PSMC6: variants seen among roughly 807,000 people sequenced by gnomAD.
PSMC6 encodes the protein proteasome 26S subunit, ATPase 6.
In PSMC6, 3 loss-of-function variants were observed where a neutral mutation model predicts 55.9. The observed-to-expected ratio is 0.05, with a 90% CI of 0.02 to 0.14. The LOEUF (loss-of-function observed/expected upper bound fraction) is 0.14, where lower values mean the gene tolerates loss of function less well. Ranked by LOEUF, PSMC6 falls within the 10% of genes least tolerant of loss-of-function variation. The pLI, the probability that PSMC6 is intolerant of heterozygous loss-of-function variation, is 1.00. For missense variants in PSMC6, 210 were observed against 478.7 expected, an observed-to-expected ratio of 0.44 and a Z score of 5.24; for synonymous variants, 137 against 155.9, an observed-to-expected ratio of 0.88 and a Z score of 0.90.
At chr14:52,715,177 G>A (rs929016180) in intron 7 of PSMC6, among the ~76,000 whole-genome samples, 6 of 151,194 alleles carry the variant, frequency 4.0e-5, no homozygotes, top group Admixed American at 6.6e-5. Context: ...TGGTGAAACA[G>A]TAAAAATTAT....
intron 4 of PSMC6, 196 bp downstream of exon 4, chr14:52,709,012 T>C: frequency 6.3e-6 from 4 of 631,316 alleles, no homozygotes; most frequent in Admixed American, 3.7e-5. Flanking sequence ...CCGTACTTTC[T>C]ACTGTATTAC....
chr14:52,725,905 C>T (rs1261920311), intron 13 of PSMC6, among the ~76,000 whole-genome samples: 3 of 152,216 alleles, frequency 2.0e-5, no homozygotes, highest in Non-Finnish European at 4.4e-5. Context: ...TACCTAGTTT[C>T]ACTGTAGCTT....
intron 10 of PSMC6, 52 bp from the exon 11 acceptor site, chr14:52,720,809 A>G (rs1029289920): frequency 1.5e-5 from 21 of 1,443,494 alleles, no homozygotes; most frequent in South Asian, 3.6e-5. Flanking sequence ...GGTGTGTGCT[A>G]TTTTTTTTAA....
Position 52,711,530 on chromosome 14 carries a change from T to C in PSMC6, c.441+6T>C. The C allele has an allele frequency of 6.4e-7, 1 of 1,570,124 alleles. No individual in the cohort carries two copies. ...AGATCCGGGAATTAAGAGAGGTTGG[T>C]ACTGTGTGCCTTGTTCTCTGAACTT... is the stretch of plus-strand genomic sequence containing the variant. On this transcript the variant is annotated splice_donor_region_variant and intron_variant, in intron 6 of 13. Coordinates refer to ENST00000445930, the MANE Select transcript of PSMC6 (RefSeq NM_002806.5).
chr14:52,727,514 G>T lies in PSMC6; in HGVS notation c.1067G>T (p.Arg356Leu). The part of the protein sequence containing the change: ...VCTEAGMFAI[R>L]ADHDFVVQED... ...TTCTCTACAGGTATGTTCGCAATTCGTGCTGATCATGATTTTGTAGTACAG... is the reference window on the plus strand; with the variant it reads ...TTCTCTACAGGTATGTTCGCAATTCTTGCTGATCATGATTTTGTAGTACAG... Residue 356 changes from arginine to leucine, a missense_variant, in exon 14 of 14, where the codon CGT becomes CTT. Physicochemically the swap from Arg to Leu is moderately radical, Grantham distance 102 (BLOSUM62 -2). This residue lies in a region of PSMC6 where 79 missense variants were observed against 158.7 expected (regional missense o/e 0.50). Transcript: ENST00000445930. 6.8e-6 allele frequency: 11 copies of T among 1,611,256 alleles called. No homozygotes were observed. Among genetic ancestry groups the T allele is most frequent in the Non-Finnish European group, 9.3e-6 (11 of 1,179,058 alleles).
intron 7 of PSMC6, among the ~76,000 whole-genome samples, chr14:52,714,301 A>G (rs2041806494): frequency 6.6e-6 from 1 of 152,156 alleles, no homozygotes; most frequent in African/African-American, 2.4e-5. Flanking sequence ...TAGCCTCCCA[A>G]AATGTTGGGA....
At chr14:52,724,096 TTTTGAG>T (rs1880310425) in intron 13 of PSMC6, 60 bp downstream of exon 13, 1 of 1,487,976 alleles carries the variant, frequency 6.7e-7, no homozygotes, top group African/African-American at 1.4e-5. Flanking sequence ...GCTGAAACTG[TTTTGAG>T]TTTATCTGAA....
intron 1 of PSMC6, 100 bp from the exon 2 acceptor site, chr14:52,708,209 A>AT: frequency 1.0e-6 from 1 of 994,780 alleles, no homozygotes. Context: ...AAACTTAGGT[A>AT]AAGTGAAGTA....
intron 13 of PSMC6, 147 bp downstream of exon 13, chr14:52,724,183 G>A: frequency 2.9e-6 from 2 of 693,996 alleles, no homozygotes; most frequent in Non-Finnish European, 4.8e-6. Flanking sequence ...GGAAATAGGA[G>A]AAGCAGGGCA....
At chr14:52,708,435 T>C (rs759487433) in intron 2 of PSMC6, 47 bp downstream of exon 2, 1 of 1,613,372 alleles carries the variant, frequency 6.2e-7, no homozygotes. Flanking sequence ...AATTTGCTTT[T>C]TTATTTAGCT....
chr14:52,716,187 G>C lies in PSMC6; in HGVS notation c.530-1894G>C, dbSNP rs780443701. On this transcript the variant is annotated intron_variant, in intron 7 of 13. Coordinates refer to ENST00000445930, the MANE Select transcript of PSMC6 (RefSeq NM_002806.5). ...GTAAGTAGATAGCTATTATAAAAAA[G>C]ACAAAAGTGTTTGCAAGATGTAGAG... is the stretch of plus-strand genomic sequence containing the variant. 4.6e-5 allele frequency among the ~76,000 whole-genome samples: 7 copies of C among 152,110 alleles called. No homozygotes were observed. The East Asian group carries it at 5.8e-4, about 13-fold the overall frequency.
chr14:52,718,593 C>T (rs1436687556), intron 9 of PSMC6: 2 of 437,066 alleles, frequency 4.6e-6, no homozygotes, highest in Admixed American at 7.5e-5. Flanking sequence ...TCGAGACCAT[C>T]TGGCCAACAT....
intron 10 of PSMC6, among the ~76,000 whole-genome samples, chr14:52,720,205 G>A (rs12888230): frequency 7.7e-6 from 1 of 130,540 alleles, no homozygotes; most frequent in African/African-American, 3.0e-5. Context: ...CTGGGTGACA[G>A]AGCGAGAGTC....
chr14:52,712,214 T>C (rs1256919536), intron 6 of PSMC6, among the ~76,000 whole-genome samples: 7 of 151,332 alleles, frequency 4.6e-5, no homozygotes, highest in African/African-American at 1.5e-4. Context: ...CTTCAGTACA[T>C]TAATTTTTTT....
At chr14:52,715,817 A>G (rs1028507355) in intron 7 of PSMC6, among the ~76,000 whole-genome samples, 11 of 151,900 alleles carry the variant, frequency 7.2e-5, no homozygotes, top group Non-Finnish European at 1.3e-4. Flanking sequence ...GGGTTTTGCC[A>G]TGTTGCCCAG....
At chr14:52,723,823 A>G in intron 12 of PSMC6, 142 bp from the exon 13 acceptor site, 1 of 1,426,990 alleles carries the variant, frequency 7.0e-7, no homozygotes, top group South Asian at 1.6e-5. Context: ...GTTTTTGGAT[A>G]TTAATATTGT....
chr14:52,724,099 T>A, intron 13 of PSMC6, 63 bp downstream of exon 13: 1 of 1,449,080 alleles, frequency 6.9e-7, no homozygotes, highest in Non-Finnish European at 9.7e-7. Context: ...GAAACTGTTT[T>A]GAGTTTATCT....
intron 6 of PSMC6, among the ~76,000 whole-genome samples, chr14:52,711,840 C>T (rs867381562): frequency 6.6e-6 from 1 of 152,042 alleles, no homozygotes; most frequent in African/African-American, 2.4e-5. Context: ...TTACTTGGGT[C>T]AGAGCATATT....
chr14:52,707,554 A>G (rs1187672076), intron 1 of PSMC6: 7 of 460,088 alleles, frequency 1.5e-5, no homozygotes, highest in Non-Finnish European at 2.7e-5. Flanking sequence ...GAAGTAGAGG[A>G]GGAGTGGGGA....
Sources: allele counts gnomAD v4.1 joint callset (sites outside exome capture counted in the v4.1 genomes callset), GRCh38; gene constraint gnomAD v4.1.1; regional missense constraint gnomAD v4.1.1; transcripts MANE v1.5; gene names NCBI Gene and HGNC (gene_info 2026-07-23, HGNC 2026-07-21).